TTBK2: variants seen among roughly 807,000 people sequenced by gnomAD.
TTBK2 encodes tau tubulin kinase 2.
TTBK2 carries 28 observed loss-of-function variants against 110.8 expected under a neutral mutation model. That is an observed-to-expected ratio of 0.25 (90% CI 0.19 to 0.35). The LOEUF (loss-of-function observed/expected upper bound fraction) is 0.35, where lower values mean the gene tolerates loss of function less well. Ranked by LOEUF, TTBK2 falls within the 10% of genes least tolerant of loss-of-function variation. The pLI is 1.00. For synonymous variants in TTBK2, 532 were observed against 527.3 expected (o/e 1.01, Z -0.12); for missense variants, 1,369 against 1,500.3 (o/e 0.91, Z 1.45).
At chr15:42,782,812 T>C (rs1434802427) in intron 11 of TTBK2, among the ~76,000 whole-genome samples, 2 of 152,176 alleles carry the variant, frequency 1.3e-5, no homozygotes, top group African/African-American at 2.4e-5. Context: ...ATCTTCCATG[T>C]CAAGCGCCAC....
intron 13 of TTBK2, among the ~76,000 whole-genome samples, chr15:42,767,165 C>T (rs1889419837): frequency 6.6e-6 from 1 of 152,002 alleles, no homozygotes; most frequent in Admixed American, 6.6e-5. Flanking sequence ...GTACTAAATG[C>T]CCACAAGAGA....
chr15:42,870,717 T>A (rs1393328765), intron 3 of TTBK2, among the ~76,000 whole-genome samples: 1 of 151,476 alleles, frequency 6.6e-6, no homozygotes, highest in Admixed American at 6.6e-5. Flanking sequence ...AAAAATTAGC[T>A]GGGTGTGGTG....
At chr15:42,887,725 A>T (rs1457842266) in intron 1 of TTBK2, among the ~76,000 whole-genome samples, 1 of 152,010 alleles carries the variant, frequency 6.6e-6, no homozygotes, top group African/African-American at 2.4e-5. Flanking sequence ...TAGATCTCAA[A>T]CATGCTTTTT....
chr15:42,852,212 G>C (rs1893747547), intron 3 of TTBK2, among the ~76,000 whole-genome samples: 1 of 151,950 alleles, frequency 6.6e-6, no homozygotes, highest in Non-Finnish European at 1.5e-5. Flanking sequence ...TAGACTACAG[G>C]TATGCACCAC....
At chr15:42,892,704 CAAAAAAA>C (rs35331798) in intron 1 of TTBK2, among the ~76,000 whole-genome samples, 1 of 37,918 alleles carries the variant, frequency 2.6e-5, no homozygotes, top group Non-Finnish European at 4.8e-5. Context: ...GACCCTGTCT[CAAAAAAA>C]AAAAAAAAAA....
At chr15:42,802,548 T>C (rs562505130) in intron 9 of TTBK2, 88 of 434,372 alleles carry the variant, frequency 2.0e-4, no homozygotes, top group African/African-American at 1.7e-3. Flanking sequence ...ACTGCACCCA[T>C]CCTCTAACAA....
At chr15:42,897,815 AGTAGTG>A (rs1282837702) in intron 1 of TTBK2, among the ~76,000 whole-genome samples, 1 of 140,362 alleles carries the variant, frequency 7.1e-6, no homozygotes, top group Non-Finnish European at 1.5e-5. Flanking sequence ...AACTTATACC[AGTAGTG>A]GTACACACAC....
Position 42,864,169 on chromosome 15 carries a change from T to C in TTBK2, c.217+8442A>G, listed in dbSNP as rs551974421. Among the ~76,000 whole-genome samples the C allele has an allele frequency of 2.2e-4, 34 of 152,302 alleles. No homozygotes were observed. In the South Asian group the frequency reaches 6.8e-3, roughly 31 times the overall value. On this transcript the variant is annotated intron_variant, in intron 3 of 14. Coordinates refer to ENST00000267890, the MANE Select transcript of TTBK2 (RefSeq NM_173500.4). Reference sequence around the variant, plus strand: ...CAACCTACAGAATGGGAGAAATTATTTGCAAACTATGTATCCTCCAAAGGT... The same window carrying C: ...CAACCTACAGAATGGGAGAAATTATCTGCAAACTATGTATCCTCCAAAGGT...
chr15:42,831,559 G>C (rs935048642), intron 4 of TTBK2, among the ~76,000 whole-genome samples: 1 of 152,168 alleles, frequency 6.6e-6, no homozygotes, highest in Non-Finnish European at 1.5e-5. Context: ...CTGTTCCTGT[G>C]TCTGTTTTAC....
intron 1 of TTBK2, among the ~76,000 whole-genome samples, chr15:42,898,451 T>G (rs1344026614): frequency 6.6e-6 from 1 of 150,584 alleles, no homozygotes; most frequent in Non-Finnish European, 1.5e-5. Context: ...AGGCAGAGGT[T>G]GCAGAGAGCC....
chr15:42,889,028 T>C (rs2141159205), intron 1 of TTBK2, among the ~76,000 whole-genome samples: 1 of 152,288 alleles, frequency 6.6e-6, no homozygotes, highest in East Asian at 1.9e-4. Context: ...TTCTATTCTG[T>C]CTTCATTTCA....
intron 13 of TTBK2, among the ~76,000 whole-genome samples, chr15:42,759,249 C>T (rs2061989498): frequency 6.6e-6 from 1 of 152,244 alleles, no homozygotes; most frequent in Admixed American, 6.5e-5. Flanking sequence ...CAGACACACC[C>T]TTGAGCAGGA....
intron 6 of TTBK2, among the ~76,000 whole-genome samples, chr15:42,818,447 T>C (rs1201336589): frequency 6.6e-6 from 1 of 152,036 alleles, no homozygotes; most frequent in Non-Finnish European, 1.5e-5. Flanking sequence ...CGGCCAGGCG[T>C]GGTGGCTCAC....
intron 9 of TTBK2, among the ~76,000 whole-genome samples, chr15:42,805,935 G>GT (rs1218202156): frequency 1.3e-5 from 2 of 152,178 alleles, no homozygotes; most frequent in Admixed American, 1.3e-4. Context: ...CTTGACTAAT[G>GT]TATTATATGA....
chr15:42,827,505 T>C (rs1267117155), intron 6 of TTBK2, among the ~76,000 whole-genome samples: 3 of 152,168 alleles, frequency 2.0e-5, no homozygotes, highest in African/African-American at 7.2e-5. Context: ...CCATTATAGA[T>C]ATGTTTTCAG....
In TTBK2 at chr15:42,898,825, A is replaced by G. The variant is rs543888969; in HGVS notation, c.-67-20141T>C. Among the ~76,000 whole-genome samples the G allele has an allele frequency of 8.5e-5, 13 of 152,366 alleles. No individual in the cohort carries two copies. In the South Asian group the frequency reaches 2.7e-3, roughly 32 times the overall value. ...AGTTTGAGATGTGGAGGTAAATACC[A>G]AAAGTACTGAAAGTGAATACTTCCC... is the stretch of plus-strand genomic sequence containing the variant. On this transcript the variant is annotated intron_variant, in intron 1 of 14. Coordinates refer to ENST00000267890, the MANE Select transcript of TTBK2 (RefSeq NM_173500.4).
At chr15:42,815,958 A>AAAAAAATATATATATAT (rs71108183) in intron 7 of TTBK2, among the ~76,000 whole-genome samples, 61 of 91,686 alleles carry the variant, frequency 6.7e-4, no homozygotes, top group Non-Finnish European at 7.6e-4. Flanking sequence ...TTAAAAAAAA[A>AAAAAAATATATATATAT]ATATATATAT....
intron 10 of TTBK2, among the ~76,000 whole-genome samples, chr15:42,785,372 T>C (rs1235996486): frequency 1.3e-5 from 2 of 152,094 alleles, no homozygotes; most frequent in Non-Finnish European, 2.9e-5. Context: ...CCACCCACCT[T>C]GGCCTCCCAA....
At chr15:42,824,818 C>T (rs1374884169) in intron 6 of TTBK2, among the ~76,000 whole-genome samples, 5 of 152,010 alleles carry the variant, frequency 3.3e-5, no homozygotes, top group Non-Finnish European at 5.9e-5. Context: ...ACCCTCATGG[C>T]ATGAGTTTAC....
Sources: allele counts gnomAD v4.1 joint callset (sites outside exome capture counted in the v4.1 genomes callset), GRCh38; gene constraint gnomAD v4.1.1; transcripts MANE v1.5; gene names NCBI Gene and HGNC (gene_info 2026-07-23, HGNC 2026-07-21).